The following SYNE1 variants were observed in gnomAD, a reference collection of about 807,000 sequenced individuals.
SYNE1 encodes the protein spectrin repeat containing nuclear envelope protein 1.
SYNE1 carries 616 observed loss-of-function variants against 1,111.0 expected under a neutral mutation model. The observed-to-expected ratio is 0.55, with a 90% CI of 0.52 to 0.59. The LOEUF is 0.59. SYNE1 is among the 20% of genes least tolerant of loss of function. The probability of loss-of-function intolerance (pLI) is 0.00; values close to 1 mark genes in which losing one functional copy is unlikely to be tolerated. For synonymous variants in SYNE1, 3,855 were observed against 3,825.8 expected (o/e 1.01, Z -0.28); for missense variants, 10,006 against 10,417.0 (o/e 0.96, Z 1.72).
At chr6:152,425,294 G>C in intron 39 of SYNE1, 87 bp downstream of exon 39, 1 of 1,445,020 alleles carries the variant, frequency 6.9e-7, no homozygotes, top group Non-Finnish European at 9.6e-7. Context: ...TTAAATAAAA[G>C]TAAACAAAAC....
At chr6:152,279,894 G>A (rs1301937069) in intron 97 of SYNE1, among the ~76,000 whole-genome samples, 3 of 152,118 alleles carry the variant, frequency 2.0e-5, no homozygotes, top group Admixed American at 2.0e-4. Context: ...GTACAGTGCT[G>A]AGGGTCTGTG....
At position 152,511,571 on chromosome 6, in the gene SYNE1, C is replaced by T. The variant is rs143635963; in HGVS notation, c.310-468G>A. The T allele has an allele frequency of 7.7e-5, 124 of 1,612,442 alleles. No homozygotes were observed. The highest frequency in any genetic ancestry group is 3.3e-4 in the Middle Eastern group (2 of 6,052). On this transcript the variant is annotated intron_variant, in intron 6 of 145. Transcript: ENST00000367255. ...TAAGAATTCTAAAATTTGTACTAAC[C>T]GGTGATCCTCTGTGCATGGACTGAC...
intron 105 of SYNE1, among the ~76,000 whole-genome samples, chr6:152,247,507 AC>A (rs1200907941): frequency 1.3e-5 from 2 of 151,900 alleles, no homozygotes; most frequent in Admixed American, 6.6e-5. Context: ...AAGAAAAAAA[AC>A]AAAAAGATTT....
intron 14 of SYNE1, among the ~76,000 whole-genome samples, chr6:152,479,376 G>A (rs778707215): frequency 3.3e-5 from 5 of 152,174 alleles, no homozygotes; most frequent in Non-Finnish European, 7.4e-5. Context: ...GAGCCTAATG[G>A]CTACTTTCAT....
At chr6:152,433,662 G>A in intron 34 of SYNE1, 133 bp downstream of exon 34, 3 of 1,061,852 alleles carry the variant, frequency 2.8e-6, no homozygotes, top group Non-Finnish European at 4.2e-6. Context: ...TTGATAAAAT[G>A]TATGAATTTA....
chr6:152,585,332 A>G (rs1565001102), intron 3 of SYNE1, among the ~76,000 whole-genome samples: 1 of 152,232 alleles, frequency 6.6e-6, no homozygotes. Context: ...ATATACTAGC[A>G]TTATCAAAAA....
chr6:152,373,339 GT>G, intron 58 of SYNE1, 120 bp from the exon 59 acceptor site: 1 of 906,584 alleles, frequency 1.1e-6, no homozygotes, highest in Non-Finnish European at 1.6e-6. Context: ...GAGTGCAGTA[GT>G]GCGATCTCGG....
At position 152,283,344 on chromosome 6, in the gene SYNE1, C is replaced by G. The variant is rs143837349; in HGVS notation, c.18207+634G>C. On this transcript the variant is annotated intron_variant, in intron 96 of 145. Transcript: ENST00000367255. The stretch of plus-strand genomic sequence containing the variant: ...AGTAATATCATCCATCAAATGCTGT[C>G]GTGTAAACATAGCAAACCATTATGC... Among the ~76,000 whole-genome samples, 39 of 152,224 alleles carry G rather than the reference C, an allele frequency of 2.6e-4. No homozygotes were observed. The East Asian group carries it at 7.3e-3, about 29-fold the overall frequency.
chr6:152,293,923 T>C (rs369843177), intron 94 of SYNE1, 37 bp downstream of exon 94: 2 of 1,613,486 alleles, frequency 1.2e-6, no homozygotes, highest in South Asian at 2.2e-5. Context: ...GTTACTGGTG[T>C]CTGGTGGGCA....
chr6:152,345,669 T>A (rs1205722024), intron 73 of SYNE1, among the ~76,000 whole-genome samples: 2 of 152,118 alleles, frequency 1.3e-5, no homozygotes, highest in Non-Finnish European at 2.9e-5. Flanking sequence ...ACGTCACTGG[T>A]ATATCATCAG....
At chr6:152,493,805 C>A (rs1486219372) in intron 11 of SYNE1, among the ~76,000 whole-genome samples, 1 of 152,186 alleles carries the variant, frequency 6.6e-6, no homozygotes, top group Non-Finnish European at 1.5e-5. Flanking sequence ...TCCTTTCCTT[C>A]CTAGGCATAG....
chr6:152,597,396 T>C (rs1430117314), intron 3 of SYNE1, among the ~76,000 whole-genome samples: 2 of 152,176 alleles, frequency 1.3e-5, no homozygotes, highest in African/African-American at 4.8e-5. Context: ...TTCTACCACC[T>C]CAGCCTCCTG....
At chr6:152,365,066 T>C (rs1263866759) in intron 62 of SYNE1, 47 bp from the exon 63 acceptor site, 2 of 1,606,964 alleles carry the variant, frequency 1.2e-6, no homozygotes, top group African/African-American at 1.3e-5. Context: ...ATGTTTAACA[T>C]TGCTGGCTTT....
intron 11 of SYNE1, among the ~76,000 whole-genome samples, chr6:152,498,429 A>G (rs1357060941): frequency 6.6e-6 from 1 of 152,214 alleles, no homozygotes; most frequent in Non-Finnish European, 1.5e-5. Context: ...ACATTTAAAG[A>G]CACCATACGT....
chr6:152,176,824 TA>T (rs1224892073), intron 129 of SYNE1, among the ~76,000 whole-genome samples: 2 of 151,982 alleles, frequency 1.3e-5, no homozygotes, highest in African/African-American at 2.4e-5. Context: ...AAATACATAT[TA>T]AAAAACAATA....
intron 3 of SYNE1, among the ~76,000 whole-genome samples, chr6:152,577,257 A>G (rs1167622731): frequency 6.6e-6 from 1 of 152,216 alleles, no homozygotes; most frequent in African/African-American, 2.4e-5. Context: ...TGTGAACACA[A>G]TTGCCACTTT....
chr6:152,580,996 G>C (rs1288167092), intron 3 of SYNE1, among the ~76,000 whole-genome samples: 1 of 152,118 alleles, frequency 6.6e-6, no homozygotes, highest in Non-Finnish European at 1.5e-5. Context: ...TCTTCTCTTG[G>C]CTTCTTATAC....
At chr6:152,496,388 T>C (rs1180673794) in intron 11 of SYNE1, among the ~76,000 whole-genome samples, 1 of 152,204 alleles carries the variant, frequency 6.6e-6, no homozygotes, top group Non-Finnish European at 1.5e-5. Flanking sequence ...ATAATTACGC[T>C]GAACCGCCTT....
intron 140 of SYNE1, among the ~76,000 whole-genome samples, chr6:152,137,210 A>G (rs1242246666): frequency 6.6e-6 from 1 of 152,172 alleles, no homozygotes; most frequent in Non-Finnish European, 1.5e-5. Flanking sequence ...GAGTTCAGCC[A>G]GGGTAGGGGG....
Sources: gnomAD v4.1 joint callset for allele counts (sites outside exome capture counted in the v4.1 genomes callset) on GRCh38, gnomAD v4.1.1 for gene constraint, MANE v1.5 for transcripts, NCBI Gene and HGNC (gene_info 2026-07-23, HGNC 2026-07-21) for gene names.